The following RTTN variants were observed in gnomAD, a reference collection of about 807,000 sequenced individuals.
The protein encoded by RTTN is rotatin.
A neutral mutation model predicts 269.2 loss-of-function variants in RTTN; 182 were observed. The observed-to-expected ratio is 0.68, with a 90% CI of 0.60 to 0.76. RTTN has a LOEUF of 0.76. Among genes scored for constraint, RTTN ranks in the 30% least tolerant of loss-of-function variants. The probability of loss-of-function intolerance (pLI) is 0.00; values close to 1 mark genes in which losing one functional copy is unlikely to be tolerated. For synonymous variants in RTTN, 1,006 were observed against 963.5 expected (o/e 1.04, Z -0.82); for missense variants, 2,545 against 2,608.6 (o/e 0.98, Z 0.53).
intron 28 of RTTN, among the ~76,000 whole-genome samples, chr18:70,103,762 C>CAAA (rs71178846): frequency 3.4e-5 from 4 of 117,972 alleles, no homozygotes; most frequent in African/African-American, 9.9e-5. Flanking sequence ...ATAAATACTT[C>CAAA]AAAAAAAAAA....
rs569939218 is a variant in RTTN, at chr18:70,018,325, C to A, written c.6154-651G>T. Among the ~76,000 whole-genome samples the A allele has an allele frequency of 2.6e-5, 4 of 152,312 alleles. No individual in the cohort carries two copies. The South Asian group carries it at 8.3e-4, about 32-fold the overall frequency. Reference sequence around the variant, plus strand: ...TTCCAAAAAACCCCACCAAACCCTTCACTATAAGAAAGATAATAAATTATT... The same window carrying A: ...TTCCAAAAAACCCCACCAAACCCTTAACTATAAGAAAGATAATAAATTATT... On this transcript the variant is annotated intron_variant, in intron 45 of 48. Coordinates refer to ENST00000640769, the MANE Select transcript of RTTN (RefSeq NM_173630.4).
At chr18:70,158,707 T>C (rs1417676055) in intron 14 of RTTN, among the ~76,000 whole-genome samples, 1 of 152,098 alleles carries the variant, frequency 6.6e-6, no homozygotes. Flanking sequence ...CCAACTCACA[T>C]GCAGTGACAC....
Position 70,128,135 on chromosome 18 carries a change from C to T in RTTN, c.3143+223G>A, listed in dbSNP as rs2059912011. 4 of 487,340 alleles carry T rather than the reference C, an allele frequency of 8.2e-6. No individual in the cohort carries two copies. The South Asian group carries it at 8.9e-5, about 11-fold the overall frequency. 30.2% of individuals were successfully genotyped at this position (487,340 alleles called of 1,614,324 possible). On this transcript the variant is annotated intron_variant, in intron 24 of 48. Transcript: ENST00000640769. Reference sequence around the variant, plus strand: ...TCAGACTTTAACCTCTAAAACAGTACAGAGTAAAATGCTTTTTCATTTAAA... The same window carrying T: ...TCAGACTTTAACCTCTAAAACAGTATAGAGTAAAATGCTTTTTCATTTAAA...
intron 18 of RTTN, 40 bp from the exon 19 acceptor site, chr18:70,142,427 T>A (rs1441091596): frequency 2.7e-6 from 3 of 1,107,478 alleles, no homozygotes; most frequent in Non-Finnish European, 4.0e-6. Flanking sequence ...ATTACATTTA[T>A]CTGCTTCCAA....
At chr18:70,048,377 G>A (rs2057553809) in intron 39 of RTTN, among the ~76,000 whole-genome samples, 189 bp from the exon 40 acceptor site, 1 of 152,182 alleles carries the variant, frequency 6.6e-6, no homozygotes, top group Non-Finnish European at 1.5e-5. Flanking sequence ...TGCAGTGTTG[G>A]CACAATGTAC....
chr18:70,037,302 G>A (rs1190105988), intron 40 of RTTN, among the ~76,000 whole-genome samples: 1 of 152,216 alleles, frequency 6.6e-6, no homozygotes, highest in Non-Finnish European at 1.5e-5. Flanking sequence ...GGGCAGCTAA[G>A]GGAGGCCTTA....
chr18:70,170,213 C>T (rs1476273357), intron 11 of RTTN, among the ~76,000 whole-genome samples: 2 of 152,120 alleles, frequency 1.3e-5, no homozygotes, highest in Non-Finnish European at 2.9e-5. Flanking sequence ...TTAATTAGGC[C>T]TTACTATGTT....
At chr18:70,045,089 C>T (rs1339140524) in intron 40 of RTTN, among the ~76,000 whole-genome samples, 3 of 152,066 alleles carry the variant, frequency 2.0e-5, no homozygotes, top group Non-Finnish European at 2.9e-5. Context: ...AGTCTGAAAC[C>T]ACCTCAAAAT....
chr18:70,142,124 A>G (rs1164658147), intron 19 of RTTN, among the ~76,000 whole-genome samples, 164 bp downstream of exon 19: 1 of 152,190 alleles, frequency 6.6e-6, no homozygotes, highest in Non-Finnish European at 1.5e-5. Context: ...GGATTTTGTT[A>G]ACAACTCTAA....
intron 28 of RTTN, among the ~76,000 whole-genome samples, chr18:70,093,697 G>C (rs550643433): frequency 6.6e-6 from 1 of 152,042 alleles, no homozygotes; most frequent in African/African-American, 2.4e-5. Flanking sequence ...TGCTGGATTC[G>C]GTTTGCCAGT....
At chr18:70,193,538 A>G (rs1352438473) in intron 7 of RTTN, 85 bp from the exon 8 acceptor site, 2 of 1,020,882 alleles carry the variant, frequency 2.0e-6, no homozygotes, top group Non-Finnish European at 2.7e-6. Flanking sequence ...TTCTTCCAAA[A>G]ACATTAACAA....
rs2056097658 is a variant in RTTN, at chr18:70,003,712, G to C, written c.*439C>G. The C allele has an allele frequency of 6.6e-6, 1 of 152,390 alleles. No individual in the cohort carries two copies. Among genetic ancestry groups the C allele is most frequent in the African/African-American group, 2.4e-5 (1 of 41,390 alleles). The allele number at this position is 152,390 out of a possible 1,614,324, so 9.4% of individuals were successfully genotyped here. ...ACATCAGTTAAAATTTAAAAAAAGA[G>C]AGAAACAACCAGGACACAGTGTCTT... is the stretch of plus-strand genomic sequence containing the variant. On this transcript the variant is annotated 3_prime_UTR_variant, in exon 49 of 49. Coordinates refer to ENST00000640769, the MANE Select transcript of RTTN (RefSeq NM_173630.4).
At chr18:70,202,157 C>T (rs1224272371) in intron 3 of RTTN, among the ~76,000 whole-genome samples, 174 bp from the exon 4 acceptor site, 1 of 152,112 alleles carries the variant, frequency 6.6e-6, no homozygotes, top group Non-Finnish European at 1.5e-5. Context: ...AAAATGTGCA[C>T]ATTGAGCCCA....
intron 45 of RTTN, among the ~76,000 whole-genome samples, chr18:70,018,567 A>G (rs1436069567): frequency 6.6e-6 from 1 of 152,212 alleles, no homozygotes; most frequent in African/African-American, 2.4e-5. Context: ...GCTTTAATCT[A>G]TAAAATAAAC....
intron 10 of RTTN, among the ~76,000 whole-genome samples, chr18:70,187,601 G>A (rs1157877999): frequency 6.6e-6 from 1 of 152,118 alleles, no homozygotes; most frequent in African/African-American, 2.4e-5. Flanking sequence ...AGTGAGATTA[G>A]TCTATCTCAA....
intron 46 of RTTN, 138 bp from the exon 47 acceptor site, chr18:70,006,622 C>A: frequency 1.5e-6 from 1 of 663,158 alleles, no homozygotes. Context: ...ATGGCAAAAC[C>A]AATCTTTTAT....
chr18:70,123,020 C>G (rs1352751166), intron 25 of RTTN, among the ~76,000 whole-genome samples: 1 of 152,026 alleles, frequency 6.6e-6, no homozygotes, highest in Non-Finnish European at 1.5e-5. Flanking sequence ...CAGGGCCTAT[C>G]CCTTTGCCTG....
intron 23 of RTTN, among the ~76,000 whole-genome samples, chr18:70,134,264 C>T (rs2060067812): frequency 6.6e-6 from 1 of 152,052 alleles, no homozygotes; most frequent in Non-Finnish European, 1.5e-5. Flanking sequence ...TTCAACTTTC[C>T]TGTAAATTTG....
chr18:70,204,346 T>A (rs1272829288), intron 2 of RTTN, 83 bp from the exon 3 acceptor site: 1 of 1,347,982 alleles, frequency 7.4e-7, no homozygotes, highest in Non-Finnish European at 1.0e-6. Context: ...AAATTATTTT[T>A]GGTATATCAG....
Sources: allele counts gnomAD v4.1 joint callset (sites outside exome capture counted in the v4.1 genomes callset), GRCh38; gene constraint gnomAD v4.1.1; transcripts MANE v1.5; gene names NCBI Gene and HGNC (gene_info 2026-07-23, HGNC 2026-07-21).